The following SEMA5A variants were observed in gnomAD, a reference collection of about 807,000 sequenced individuals.
The protein encoded by SEMA5A is semaphorin 5A, also known as semaphorin-5A.
Under a neutral mutation model 135.5 loss-of-function variants are expected in SEMA5A, and 55 were observed. The ratio of observed to expected loss-of-function variants is 0.41; its 90% confidence interval spans 0.33 to 0.51. The LOEUF (loss-of-function observed/expected upper bound fraction) is 0.51. Ranked by LOEUF, SEMA5A falls within the 20% of genes least tolerant of loss-of-function variation. SEMA5A has a pLI of 0.37. For synonymous variants in SEMA5A, 580 were observed against 546.5 expected (o/e 1.06, Z -0.85); for missense variants, 1,290 against 1,419.9 (o/e 0.91, Z 1.47).
At chr5:9,369,441 T>G (rs1755044434) in intron 3 of SEMA5A, among the ~76,000 whole-genome samples, 1 of 152,206 alleles carries the variant, frequency 6.6e-6, no homozygotes, top group Non-Finnish European at 1.5e-5. Context: ...GAAATATTTC[T>G]TATATGTTTT....
At chr5:9,291,681 C>T (rs1469860191) in intron 5 of SEMA5A, among the ~76,000 whole-genome samples, 1 of 151,850 alleles carries the variant, frequency 6.6e-6, no homozygotes, top group African/African-American at 2.4e-5. Flanking sequence ...AGTGGATCAA[C>T]CACCTTGAAT....
chr5:9,442,407 A>G (rs1307471723), intron 1 of SEMA5A, among the ~76,000 whole-genome samples: 1 of 152,216 alleles, frequency 6.6e-6, no homozygotes, highest in African/African-American at 2.4e-5. Flanking sequence ...AGAGACCATC[A>G]GAAGCTCGTG....
rs534887018 is a variant in SEMA5A at position 9,136,220 on chromosome 5, A to G, written c.1599+284T>C. ...AGTCCACACCAAACTCTGGAGGGGG[A>G]AAAAAAAATCCAAGAATAAAACAAA... On this transcript the variant is annotated intron_variant, in intron 13 of 22. Transcript: ENST00000382496. Among the ~76,000 whole-genome samples, 539 of 101,090 alleles carry G rather than the reference A, an allele frequency of 5.3e-3. 1 individual carries two copies. Among genetic ancestry groups the G allele is most frequent in the Non-Finnish European group, 7.9e-3 (400 of 50,782 alleles). The allele number at this position is 101,090 out of a possible 152,430, so 66.3% of individuals were successfully genotyped here.
chr5:9,436,988 C>T (rs1269926422), intron 2 of SEMA5A, among the ~76,000 whole-genome samples: 1 of 152,104 alleles, frequency 6.6e-6, no homozygotes, highest in Non-Finnish European at 1.5e-5. Context: ...CCCAGGGCCA[C>T]AGGAAGGAGG....
rs1736023768 is a variant in SEMA5A, at chr5:9,042,651, T to C, written c.*246A>G. On this transcript the variant is annotated 3_prime_UTR_variant, in exon 23 of 23. Transcript: ENST00000382496. ...CAATGGACTTGTCAGAAAAATAGGA[T>C]GAACACAATTAAAAACTTCACACCC... 1 of 441,320 alleles carries C rather than the reference T, an allele frequency of 2.3e-6. No homozygotes were observed. The highest frequency in any genetic ancestry group is 4.2e-5 in the Admixed American group (1 of 23,572). The allele number at this position is 441,320 out of a possible 1,614,324, so 27.3% of individuals were successfully genotyped here.
chr5:9,323,120 A>T (rs919579939), intron 4 of SEMA5A, among the ~76,000 whole-genome samples: 9 of 152,136 alleles, frequency 5.9e-5, no homozygotes, highest in Non-Finnish European at 1.0e-4. Context: ...CCCTGCCCAT[A>T]CCTAATTCTA....
chr5:9,414,108 A>T (rs2126611954), intron 2 of SEMA5A, among the ~76,000 whole-genome samples: 1 of 152,328 alleles, frequency 6.6e-6, no homozygotes, highest in Middle Eastern at 3.4e-3. Flanking sequence ...TGTCTTGGTG[A>T]AATGAAAATC....
At chr5:9,181,735 GA>G (rs1278290695) in intron 11 of SEMA5A, among the ~76,000 whole-genome samples, 8 of 152,156 alleles carry the variant, frequency 5.3e-5, no homozygotes, top group African/African-American at 1.7e-4. Flanking sequence ...TGGAGATGGA[GA>G]GGGGGGACTA....
intron 12 of SEMA5A, among the ~76,000 whole-genome samples, chr5:9,148,743 A>G (rs983594965): frequency 2.6e-5 from 4 of 152,070 alleles, no homozygotes; most frequent in Non-Finnish European, 5.9e-5. Flanking sequence ...GTTTTGAGAC[A>G]GAGTCTCACT....
chr5:9,449,730 AC>A (rs1299494158), intron 1 of SEMA5A, among the ~76,000 whole-genome samples: 1 of 152,158 alleles, frequency 6.6e-6, no homozygotes, highest in Non-Finnish European at 1.5e-5. Flanking sequence ...CCCGGGTGGT[AC>A]CTGGAGATGA....
intron 5 of SEMA5A, among the ~76,000 whole-genome samples, chr5:9,277,330 G>T (rs918572682): frequency 1.3e-5 from 2 of 152,198 alleles, no homozygotes; most frequent in Non-Finnish European, 2.9e-5. Context: ...TGCTGGAGAG[G>T]ATGTTGAGAA....
At chr5:9,447,679 C>T (rs3798029) in intron 1 of SEMA5A, among the ~76,000 whole-genome samples, 5,320 of 152,186 alleles carry the variant, frequency 0.035, 130 homozygotes, top group South Asian at 0.066. Flanking sequence ...ATTTGTCATC[C>T]CCTCAATATA....
rs530774983 is a variant in SEMA5A, at chr5:9,298,569, C to T, written c.270+19803G>A. ...TATCTTCTAAGTTTTTTTAAAAGTT[C>T]TCTCCTAAATAAACAAAAATACATA... On this transcript the variant is annotated intron_variant, in intron 5 of 22. Coordinates refer to ENST00000382496, the MANE Select transcript of SEMA5A (RefSeq NM_003966.3). 8.5e-5 allele frequency among the ~76,000 whole-genome samples: 13 copies of T among 152,284 alleles called. No homozygotes were observed. In the East Asian group the frequency reaches 2.5e-3, roughly 29 times the overall value.
At chr5:9,424,146 G>A (rs1041433833) in intron 2 of SEMA5A, among the ~76,000 whole-genome samples, 2 of 152,054 alleles carry the variant, frequency 1.3e-5, no homozygotes, top group Admixed American at 6.6e-5. Flanking sequence ...GCTTTGAGAA[G>A]AATGAAAGCC....
intron 3 of SEMA5A, among the ~76,000 whole-genome samples, chr5:9,375,160 C>T (rs1403789474): frequency 1.3e-5 from 2 of 152,138 alleles, no homozygotes; most frequent in African/African-American, 4.8e-5. Context: ...GTTTCTTCCC[C>T]CAACCCTGCA....
intron 13 of SEMA5A, among the ~76,000 whole-genome samples, chr5:9,134,073 T>C (rs1489053842): frequency 6.6e-6 from 1 of 152,200 alleles, no homozygotes; most frequent in Non-Finnish European, 1.5e-5. Flanking sequence ...TTCTTCACTT[T>C]CTGCCATGAT....
At chr5:9,112,130 A>C (rs1470759673) in intron 15 of SEMA5A, among the ~76,000 whole-genome samples, 1 of 152,182 alleles carries the variant, frequency 6.6e-6, no homozygotes, top group Non-Finnish European at 1.5e-5. Flanking sequence ...GTACCTCATG[A>C]TGTGTTAATA....
intron 16 of SEMA5A, among the ~76,000 whole-genome samples, chr5:9,088,708 TG>T (rs1738868428): frequency 6.9e-6 from 1 of 144,682 alleles, no homozygotes; most frequent in Non-Finnish European, 1.5e-5. Context: ...CAAATAGGAG[TG>T]TGGACACTCT....
intron 8 of SEMA5A, among the ~76,000 whole-genome samples, chr5:9,209,241 T>C (rs1256481276): frequency 6.6e-6 from 1 of 152,218 alleles, no homozygotes; most frequent in African/African-American, 2.4e-5. Context: ...TGACAGACTT[T>C]AGTGTCTACT....
Sources: gnomAD v4.1 joint callset for allele counts (sites outside exome capture counted in the v4.1 genomes callset) on GRCh38, gnomAD v4.1.1 for gene constraint, MANE v1.5 for transcripts, NCBI Gene and HGNC (gene_info 2026-07-23, HGNC 2026-07-21) for gene names.